The following RHPN1 variants were observed in gnomAD, a reference collection of about 807,000 sequenced individuals.
RHPN1 encodes rhophilin-1.
In RHPN1, 77 loss-of-function variants were observed where a neutral mutation model predicts 74.7. That is an observed-to-expected ratio of 1.03 (90% CI 0.86 to 1.25). RHPN1 has a LOEUF of 1.25. Among genes scored for constraint, RHPN1 ranks in the 50% most tolerant of loss-of-function variants. The pLI is 0.00. For synonymous variants in RHPN1, 444 were observed against 414.5 expected (o/e 1.07, Z -0.87); for missense variants, 987 against 932.2 (o/e 1.06, Z -0.77).
chr8:143,378,475 C>T, intron 5 of RHPN1, 129 bp downstream of exon 5: 1 of 997,408 alleles, frequency 1.0e-6, no homozygotes, highest in Middle Eastern at 3.2e-4. Flanking sequence ...GACGGGCGCA[C>T]CAGGGGCCCT....
At chr8:143,377,748 G>A (rs1297399515) in intron 4 of RHPN1, among the ~76,000 whole-genome samples, 2 of 152,216 alleles carry the variant, frequency 1.3e-5, no homozygotes, top group Non-Finnish European at 2.9e-5. Flanking sequence ...GATGGGGCCT[G>A]GAAGCCCCAG....
intron 3 of RHPN1, among the ~76,000 whole-genome samples, chr8:143,377,028 GTA>G (rs1297643153): frequency 2.0e-5 from 3 of 146,958 alleles, no homozygotes; most frequent in Non-Finnish European, 3.0e-5. Flanking sequence ...ATGTGTGCGT[GTA>G]TGCACGTGTG....
Position 143,382,750 on chromosome 8 carries a change from G to C in RHPN1, c.*99G>C. The C allele has an allele frequency of 7.6e-6, 8 of 1,057,386 alleles. No individual in the cohort carries two copies. The highest frequency in any genetic ancestry group is 1.1e-5 in the Non-Finnish European group (8 of 736,532). 65.5% of individuals were successfully genotyped at this position (1,057,386 alleles called of 1,614,324 possible). ...AGGACCTCCGGGCAATGCCTGTCCCGCCTCATGCTGGAGGCTGCCTCGGGC... is the reference window on the plus strand; with the variant it reads ...AGGACCTCCGGGCAATGCCTGTCCCCCCTCATGCTGGAGGCTGCCTCGGGC... On this transcript the variant is annotated 3_prime_UTR_variant, in exon 15 of 15. Transcript: ENST00000289013.
At chr8:143,380,205 G>A (rs763571284) in intron 10 of RHPN1, 30 bp downstream of exon 10, 28 of 1,430,530 alleles carry the variant, frequency 2.0e-5, no homozygotes, top group Non-Finnish European at 1.9e-6. Flanking sequence ...AGTGCCCTGG[G>A]GCTCAGATGG....
intron 1 of RHPN1, 37 bp from the exon 2 acceptor site, chr8:143,375,516 C>G: frequency 6.8e-7 from 1 of 1,468,718 alleles, no homozygotes; most frequent in Middle Eastern, 1.9e-4. Context: ...GCGGGCGCCA[C>G]GGGGTCGGGC....
In RHPN1 at chr8:143,381,196, C is replaced by T; in HGVS notation, c.1412-72C>T. The T allele has an allele frequency of 4.5e-6, 6 of 1,334,608 alleles. No homozygotes were observed. The South Asian group carries it at 6.5e-5, about 14-fold the overall frequency. 82.7% of individuals were successfully genotyped at this position (1,334,608 alleles called of 1,614,324 possible). A position where few individuals can be genotyped will look rare whatever the true frequency, so the allele number is the denominator to read the frequency against. ...GCCTGTGTGCACTCAGGGTCATGCC[C>T]TGCGCCCTGGAAAATCCCCGAGGCA... On this transcript the variant is annotated intron_variant, in intron 11 of 14. Coordinates refer to ENST00000289013, the MANE Select transcript of RHPN1 (RefSeq NM_052924.3).
rs1373836786 is a variant in RHPN1 at position 143,378,898 on chromosome 8, A to G, written c.585-14A>G. 4 of 1,584,376 alleles carry G rather than the reference A, an allele frequency of 2.5e-6. No individual in the cohort carries two copies. In the African/African-American group the frequency reaches 5.4e-5, roughly 21 times the overall value. On this transcript the variant is annotated splice_polypyrimidine_tract_variant and intron_variant, in intron 6 of 14. Transcript: ENST00000289013. ...AACCGTGGGAACTCCACCCAGCCTG[A>G]CCCAACACTGCAGGTACGACTCGCT...
At chr8:143,374,351 G>T (rs1210746707) in intron 1 of RHPN1, 1 of 978,260 alleles carries the variant, frequency 1.0e-6, no homozygotes, top group Non-Finnish European at 1.2e-6. Context: ...TCCTGGGGAA[G>T]AAGAGGTCCT....
chr8:143,374,162 C>T (rs1035122786), intron 1 of RHPN1: 14 of 985,310 alleles, frequency 1.4e-5, no homozygotes, highest in Middle Eastern at 5.2e-4. Context: ...CAGGAAAACA[C>T]GTGTGAGCTC....
rs1484758990 is a variant in RHPN1 at position 143,381,924 on chromosome 8, C to T, written c.1753C>T (p.Leu585=). The T allele has an allele frequency of 6.2e-7, 1 of 1,610,708 alleles. No homozygotes were observed. Among genetic ancestry groups the T allele is most frequent in the Non-Finnish European group, 8.5e-7 (1 of 1,179,090 alleles). ...LKAAGEAGAS[L]QVVSLLPSSR... Reference sequence around the variant, plus strand: ...GGCTGCGGGAGAGGCGGGCGCCAGCCTGCAGGTGGTGTCGCTGCTGCCCAG... The same window carrying T: ...GGCTGCGGGAGAGGCGGGCGCCAGCTTGCAGGTGGTGTCGCTGCTGCCCAG... The change falls in exon 14 of 15, where the codon CTG becomes TTG. Residue 585 remains leucine, a synonymous_variant. Transcript: ENST00000289013.
In RHPN1 at chr8:143,382,648, G is replaced by T. The variant is rs1469566006; in HGVS notation, c.2010G>T (p.Pro670=). ...PPSSLKHPGW[P] The stretch of plus-strand genomic sequence containing the variant: ...CATCCTTGAAGCACCCAGGGTGGCC[G>T]TGAGGGCCAGGATCCCTGCACGCCT... Residue 670 remains proline (P), a synonymous_variant, in exon 15 of 15, where the codon CCG becomes CCT. Coordinates refer to ENST00000289013, the MANE Select transcript of RHPN1 (RefSeq NM_052924.3). 1 of 1,608,004 alleles carries T rather than the reference G, an allele frequency of 6.2e-7. No individual in the cohort carries two copies. Among genetic ancestry groups the T allele is most frequent in the African/African-American group, 1.3e-5 (1 of 74,960 alleles).
intron 2 of RHPN1, among the ~76,000 whole-genome samples, chr8:143,376,113 C>A (rs10105417): frequency 2.0e-5 from 3 of 152,166 alleles, no homozygotes; most frequent in Non-Finnish European, 2.9e-5. Flanking sequence ...CTGCTACCTC[C>A]CTGCCCCCAT....
At chr8:143,365,171 G>A (rs1817542804), upstream of RHPN1, among the ~76,000 whole-genome samples, 2 of 151,922 alleles carry the variant, frequency 1.3e-5, no homozygotes, top group Admixed American at 6.6e-5. Flanking sequence ...ATACCGATGC[G>A]CATAAACAGT....
At position 143,375,511 on chromosome 8, in the gene RHPN1, C is replaced by T. The variant is rs779268625; in HGVS notation, c.61-42C>T. The T allele has an allele frequency of 2.9e-5, 41 of 1,422,014 alleles. 1 individual carries two copies. The highest frequency in any genetic ancestry group is 2.0e-4 in the Middle Eastern group (1 of 4,888). 88.1% of individuals were successfully genotyped at this position (1,422,014 alleles called of 1,614,324 possible). On this transcript the variant is annotated intron_variant, in intron 1 of 14. Transcript: ENST00000289013. Reference sequence around the variant, plus strand: ...CTGGCGAGGCGCAGCCTGGTGCGGGCGCCACGGGGTCGGGCTGTGATCGCC... The same window carrying T: ...CTGGCGAGGCGCAGCCTGGTGCGGGTGCCACGGGGTCGGGCTGTGATCGCC...
At position 143,379,352 on chromosome 8, in the gene RHPN1, G is replaced by C; in HGVS notation, c.789G>C (p.Ala263=). 6.2e-7 allele frequency: 1 copy of C among 1,602,546 alleles called. No homozygotes were observed. Among genetic ancestry groups the C allele is most frequent in the Non-Finnish European group, 8.5e-7 (1 of 1,174,178 alleles). ...TCCTGAGGGAGAACTTCTCCCATGC[G>C]CCGAGCCCAGACATGAGCGCTGCGT... The part of the protein sequence containing the change: ...FSLLRENFSH[A]PSPDMSAASL... Residue 263 remains alanine (A), a synonymous_variant, in exon 8 of 15, where the codon GCG becomes GCC. Coordinates refer to ENST00000289013, the MANE Select transcript of RHPN1 (RefSeq NM_052924.3).
At chr8:143,370,792 G>A (rs536626012) in intron 1 of RHPN1, among the ~76,000 whole-genome samples, 6 of 152,234 alleles carry the variant, frequency 3.9e-5, no homozygotes, top group Non-Finnish European at 5.9e-5. Flanking sequence ...CGTCCCTCCC[G>A]CAGGGGCTGC....
At position 143,381,561 on chromosome 8, in the gene RHPN1, G is replaced by A; in HGVS notation, c.1489-11G>A. The A allele has an allele frequency of 6.2e-7, 1 of 1,603,508 alleles. No homozygotes were observed. Among genetic ancestry groups the A allele is most frequent in the Non-Finnish European group, 8.5e-7 (1 of 1,177,856 alleles). Reference sequence around the variant, plus strand: ...GCCCAGCTGGGCCTCTGACCTCTGAGCCCCTGCCAGGGGCCCCTGTCTGTG... The same window carrying A: ...GCCCAGCTGGGCCTCTGACCTCTGAACCCCTGCCAGGGGCCCCTGTCTGTG... On this transcript the variant is annotated splice_polypyrimidine_tract_variant and intron_variant, in intron 12 of 14. Transcript: ENST00000289013.
At chr8:143,377,498 TG>T in intron 4 of RHPN1, 43 bp downstream of exon 4, 1 of 1,468,868 alleles carries the variant, frequency 6.8e-7, no homozygotes, top group Non-Finnish European at 9.5e-7. Context: ...GGCCCTGCCC[TG>T]GGACCAAGGG....
rs1397327009 is a variant in RHPN1, at chr8:143,368,927, A to G, written c.-61A>G. ...GCGGGCGGCCCTAGCCCGGCTGCGGAGCGCTGCGCGAGCGGCGGGCTGGCT... is the reference window on the plus strand; with the variant it reads ...GCGGGCGGCCCTAGCCCGGCTGCGGGGCGCTGCGCGAGCGGCGGGCTGGCT... On this transcript the variant is annotated 5_prime_UTR_variant, in exon 1 of 15. Transcript: ENST00000289013. The G allele has an allele frequency of 1.5e-6, 2 of 1,343,926 alleles. No individual in the cohort carries two copies. Among genetic ancestry groups the G allele is most frequent in the Non-Finnish European group, 1.9e-6 (2 of 1,031,620 alleles). 83.3% of individuals were successfully genotyped at this position (1,343,926 alleles called of 1,614,324 possible). A position where few individuals can be genotyped will look rare whatever the true frequency, so the allele number is the denominator to read the frequency against.
Sources: gnomAD v4.1 joint callset for allele counts (sites outside exome capture counted in the v4.1 genomes callset) on GRCh38, gnomAD v4.1.1 for gene constraint, MANE v1.5 for transcripts, NCBI Gene and HGNC (gene_info 2026-07-23, HGNC 2026-07-21) for gene names.